The following EPB41L3 variants were observed in gnomAD, a reference collection of about 807,000 sequenced individuals.
EPB41L3 encodes the protein erythrocyte membrane protein band 4.1 like 3.
EPB41L3 carries 57 observed loss-of-function variants against 127.1 expected under a neutral mutation model. The ratio of observed to expected loss-of-function variants is 0.45; its 90% CI spans 0.36 to 0.56. The LOEUF is 0.56. Among genes scored for constraint, EPB41L3 ranks in the 20% least tolerant of loss-of-function variants. The pLI is 0.00. For missense variants in EPB41L3, 1,273 were observed against 1,372.2 expected (o/e 0.93, Z 1.14); for synonymous variants, 572 against 549.5 (o/e 1.04, Z -0.57).
rs1234988969 is a variant in EPB41L3, at chr18:5,488,646, G to A, written c.183+355C>T. Among the ~76,000 whole-genome samples, 3 of 151,808 alleles carry A rather than the reference G, an allele frequency of 2.0e-5. No homozygotes were observed. The East Asian group carries it at 5.8e-4, about 29-fold the overall frequency. ...ATATTAGGGCCAGGGTGATGCCTGG[G>A]GAAATGCAAACTCACTCTAGCCCTT... On this transcript the variant is annotated intron_variant, in intron 2 of 22. Coordinates refer to ENST00000341928, the MANE Select transcript of EPB41L3 (RefSeq NM_012307.5).
chr18:5,462,926 A>G (rs1490922245), intron 3 of EPB41L3, among the ~76,000 whole-genome samples: 1 of 152,190 alleles, frequency 6.6e-6, no homozygotes, highest in African/African-American at 2.4e-5. Flanking sequence ...GTCTTCCCCC[A>G]TAAACTTTTT....
chr18:5,528,505 T>C (rs1229591773), intron 1 of EPB41L3, among the ~76,000 whole-genome samples: 2 of 151,914 alleles, frequency 1.3e-5, no homozygotes, highest in Non-Finnish European at 2.9e-5. Flanking sequence ...ATATAGGTCA[T>C]CATCTTTTCA....
Position 5,557,466 on chromosome 18 carries a change from C to A in EPB41L3, c.-306+54874G>T, listed in dbSNP as rs1334980727. Among the ~76,000 whole-genome samples the A allele has an allele frequency of 2.6e-5, 4 of 152,280 alleles. No homozygotes were observed. The East Asian group carries it at 7.7e-4, about 29-fold the overall frequency. ...TGGCACAATCTCGGCCCACCCCAAC[C>A]CTCCGCCTCCCAGGCTCAAGCAATT... is the stretch of plus-strand genomic sequence containing the variant. On this transcript the variant is annotated intron_variant, in intron 3 of 21. Transcript: ENST00000545076.
rs1480455872 is a variant in EPB41L3 at position 5,395,600 on chromosome 18, T to G, written c.3072+9A>C. ...AAGGAATCCTCTTCTCGGTTCTCAC[T>G]CCACTTACTTTGGTGATGTGCGTAG... On this transcript the variant is annotated intron_variant, in intron 20 of 22. Coordinates refer to ENST00000341928, the MANE Select transcript of EPB41L3 (RefSeq NM_012307.5). 2.5e-6 allele frequency: 4 copies of G among 1,612,382 alleles called. No homozygotes were observed. Among genetic ancestry groups the G allele is most frequent in the Non-Finnish European group, 3.4e-6 (4 of 1,178,458 alleles).
chr18:5,629,981 G>T (rs551846345), upstream of EPB41L3, among the ~76,000 whole-genome samples: 1 of 152,186 alleles, frequency 6.6e-6, no homozygotes, highest in South Asian at 2.1e-4. Context: ...CGTCCTCCAG[G>T]GCCTTGGGCT....
chr18:5,426,248 C>T (rs1441813492), intron 9 of EPB41L3, among the ~76,000 whole-genome samples: 1 of 152,190 alleles, frequency 6.6e-6, no homozygotes, highest in East Asian at 1.9e-4. Flanking sequence ...AAGAGTTACT[C>T]CCTGAAAATC....
intron 3 of EPB41L3, among the ~76,000 whole-genome samples, chr18:5,457,442 G>C (rs2083284471): frequency 2.0e-5 from 3 of 151,910 alleles, no homozygotes; most frequent in Non-Finnish European, 2.9e-5. Context: ...GGTGGAACAA[G>C]TGATCTCGGA....
At chr18:5,506,771 C>A (rs2092235087) in intron 1 of EPB41L3, among the ~76,000 whole-genome samples, 1 of 152,138 alleles carries the variant, frequency 6.6e-6, no homozygotes, top group Non-Finnish European at 1.5e-5. Context: ...GGATTCCAGG[C>A]CCTTAAATCC....
chr18:5,571,318 T>C (rs951046375), intron 3 of EPB41L3, among the ~76,000 whole-genome samples: 1 of 152,254 alleles, frequency 6.6e-6, no homozygotes. Flanking sequence ...AAATGTTCTA[T>C]AGGTTCTCTT....
At chr18:5,613,977 G>A (rs1224624270) in intron 2 of EPB41L3, among the ~76,000 whole-genome samples, 1 of 152,192 alleles carries the variant, frequency 6.6e-6, no homozygotes, top group Non-Finnish European at 1.5e-5. Context: ...GTTCTTTGCA[G>A]TTTTCAGTTA....
chr18:5,568,194 T>C (rs537083491), intron 3 of EPB41L3, among the ~76,000 whole-genome samples: 1 of 152,198 alleles, frequency 6.6e-6, no homozygotes, highest in African/African-American at 2.4e-5. Context: ...ATAAAAAGTA[T>C]AACTGATATA....
At chr18:5,512,966 G>C (rs2092599545) in intron 1 of EPB41L3, among the ~76,000 whole-genome samples, 1 of 152,202 alleles carries the variant, frequency 6.6e-6, no homozygotes, top group Non-Finnish European at 1.5e-5. Flanking sequence ...TTTCTGCAGA[G>C]ATTAGAATCC....
intron 1 of EPB41L3, among the ~76,000 whole-genome samples, chr18:5,509,447 G>T (rs1055281662): frequency 2.0e-5 from 3 of 152,196 alleles, no homozygotes; most frequent in Non-Finnish European, 4.4e-5. Context: ...TAAAAGGTTT[G>T]CAATTTAAAT....
chr18:5,593,325 C>T (rs1200020702), intron 3 of EPB41L3, among the ~76,000 whole-genome samples: 2 of 151,826 alleles, frequency 1.3e-5, no homozygotes, highest in African/African-American at 2.4e-5. Flanking sequence ...GGAGAGAGTA[C>T]AAAAGAGAAA....
intron 3 of EPB41L3, among the ~76,000 whole-genome samples, chr18:5,568,871 C>G (rs2094242301): frequency 6.6e-6 from 1 of 152,126 alleles, no homozygotes; most frequent in Non-Finnish European, 1.5e-5. Context: ...GTTCTGAACT[C>G]AAGAAATTCT....
intron 16 of EPB41L3, chr18:5,400,827 A>G (rs2074385016): frequency 1.7e-6 from 1 of 605,744 alleles, no homozygotes; most frequent in African/African-American, 1.9e-5. Flanking sequence ...TCCCTTCCCC[A>G]GAATCTAAAT....
intron 8 of EPB41L3, among the ~76,000 whole-genome samples, chr18:5,432,878 G>A (rs143663251): frequency 2.6e-5 from 4 of 152,312 alleles, no homozygotes; most frequent in African/African-American, 9.6e-5. Flanking sequence ...TTATTTGTCA[G>A]AGTGCCTAAA....
chr18:5,590,352 C>T (rs986474347), intron 3 of EPB41L3, among the ~76,000 whole-genome samples: 1 of 152,098 alleles, frequency 6.6e-6, no homozygotes. Flanking sequence ...AATCCTGGGC[C>T]ACTGTATGTG....
At chr18:5,526,544 C>T (rs1027941239) in intron 1 of EPB41L3, among the ~76,000 whole-genome samples, 8 of 152,312 alleles carry the variant, frequency 5.3e-5, no homozygotes, top group African/African-American at 1.9e-4. Flanking sequence ...TTCACCAATA[C>T]CTACTGAGTA....
Sources: gnomAD v4.1 joint callset for allele counts (sites outside exome capture counted in the v4.1 genomes callset) on GRCh38, gnomAD v4.1.1 for gene constraint, MANE v1.5 for transcripts, NCBI Gene and HGNC (gene_info 2026-07-23, HGNC 2026-07-21) for gene names.